The following ALDH1A2 variants were observed in gnomAD, a reference collection of about 807,000 sequenced individuals.
ALDH1A2 encodes aldehyde dehydrogenase 1 family member A2.
A neutral mutation model predicts 60.3 loss-of-function variants in ALDH1A2; 27 were observed. The observed-to-expected ratio is 0.45, with a 90% CI of 0.33 to 0.62. The LOEUF (loss-of-function observed/expected upper bound fraction) is 0.62. Ranked by LOEUF, ALDH1A2 falls within the 20% of genes least tolerant of loss-of-function variation. The probability of loss-of-function intolerance (pLI) is 0.02; values close to 1 mark genes in which losing one functional copy is unlikely to be tolerated. For synonymous variants in ALDH1A2, 289 were observed against 232.4 expected (o/e 1.24, Z -2.21); for missense variants, 581 against 643.8 (o/e 0.90, Z 1.06).
chr15:57,989,887 G>A (rs1457960910), intron 7 of ALDH1A2, among the ~76,000 whole-genome samples: 4 of 151,808 alleles, frequency 2.6e-5, no homozygotes, highest in East Asian at 1.9e-4. Flanking sequence ...AGGGCCGTTT[G>A]TATAATCTTA....
Position 58,065,646 on chromosome 15 carries a change from G to T in ALDH1A2, c.5C>A (p.Thr2Asn), listed in dbSNP as rs748211403. 3 of 1,593,860 alleles carry T rather than the reference G, an allele frequency of 1.9e-6. No individual in the cohort carries two copies. Among genetic ancestry groups the T allele is most frequent in the Non-Finnish European group, 2.6e-6 (3 of 1,169,092 alleles). Residue 2 changes from threonine (T) to asparagine (N), a missense_variant, in exon 1 of 13, where the codon ACT (threonine) becomes AAT (asparagine). Coordinates refer to ENST00000249750, the MANE Select transcript of ALDH1A2 (RefSeq NM_003888.4). M[T>N]SSKIEMPGEV... ...GCCGGGCATCTCTATCTTGCTGGAA[G>T]TCATGGTGGCGGGCCGGGTGTCCCT...
intron 7 of ALDH1A2, among the ~76,000 whole-genome samples, chr15:57,985,627 G>A (rs930101290): frequency 3.3e-5 from 5 of 152,120 alleles, no homozygotes; most frequent in Admixed American, 3.3e-4. Context: ...TTCTAGCTCT[G>A]AGATTAAGTT....
chr15:58,065,544 T>C lies in ALDH1A2; in HGVS notation c.107A>G (p.Lys36Arg). 3 of 1,613,522 alleles carry C rather than the reference T, an allele frequency of 1.9e-6. No homozygotes were observed. The highest frequency in any genetic ancestry group is 2.5e-6 in the Non-Finnish European group (3 of 1,179,586). The stretch of plus-strand genomic sequence containing the variant: ...TGGGCGGCCGCTTACCTTGGTGTAC[T>C]TAATTTCGAGATTGGGCGTGGGCGA... ...LPSPTPNLEIKYTKIFINNEW... is the reference protein window; with the variant it reads ...LPSPTPNLEIRYTKIFINNEW... The change falls in exon 1 of 13, where the codon AAG (lysine) becomes AGG (arginine). Residue 36 changes from lysine to arginine, a missense_variant. Around this residue, in one of 2 missense-constraint regions of ALDH1A2, gnomAD observed 206 missense variants for 174.1 expected, o/e 1.18. Coordinates refer to ENST00000249750, the MANE Select transcript of ALDH1A2 (RefSeq NM_003888.4).
chr15:58,008,455 C>T (rs1253759208), intron 4 of ALDH1A2, among the ~76,000 whole-genome samples: 2 of 152,018 alleles, frequency 1.3e-5, no homozygotes, highest in Non-Finnish European at 1.5e-5. Flanking sequence ...GGGCCAACCA[C>T]CTCTATTGCC....
chr15:57,995,506 G>T (rs1325455327), intron 4 of ALDH1A2, among the ~76,000 whole-genome samples: 1 of 152,012 alleles, frequency 6.6e-6, no homozygotes, highest in Admixed American at 6.6e-5. Flanking sequence ...TTTAAAAACT[G>T]AGTCAACAAA....
chr15:58,001,973 C>G (rs181604553), intron 4 of ALDH1A2, among the ~76,000 whole-genome samples: 1 of 151,910 alleles, frequency 6.6e-6, no homozygotes, highest in East Asian at 1.9e-4. Context: ...CTAAGTCACA[C>G]GTGTAGGACT....
chr15:57,978,606 A>G (rs2044071), intron 7 of ALDH1A2, among the ~76,000 whole-genome samples: 63,869 of 151,880 alleles, frequency 0.42, 14,462 homozygotes, highest in Non-Finnish European at 0.52. Context: ...GTCCACAGTC[A>G]TATTTCACAT....
intron 7 of ALDH1A2, among the ~76,000 whole-genome samples, chr15:57,986,354 G>A (rs1894699382): frequency 6.6e-6 from 1 of 152,028 alleles, no homozygotes; most frequent in African/African-American, 2.4e-5. Context: ...ACATTCAACA[G>A]AAACCTCAGA....
intron 1 of ALDH1A2, among the ~76,000 whole-genome samples, chr15:58,058,571 T>A (rs1322996254): frequency 6.6e-6 from 1 of 151,864 alleles, no homozygotes; most frequent in Admixed American, 6.6e-5. Context: ...AAAATATAAC[T>A]TTTTAATATT....
At chr15:57,959,731 A>G (rs553873801) in intron 12 of ALDH1A2, among the ~76,000 whole-genome samples, 5 of 152,304 alleles carry the variant, frequency 3.3e-5, no homozygotes, top group African/African-American at 1.2e-4. Context: ...ACAGGTAGTA[A>G]TAGTGGCAGG....
chr15:57,958,817 G>C (rs1596062954), intron 12 of ALDH1A2, among the ~76,000 whole-genome samples: 1 of 152,148 alleles, frequency 6.6e-6, no homozygotes, highest in African/African-American at 2.4e-5. Flanking sequence ...GGGGTAAGTA[G>C]AGACAAACAA....
At chr15:58,053,321 T>A (rs1199834526) in intron 1 of ALDH1A2, among the ~76,000 whole-genome samples, 1 of 152,094 alleles carries the variant, frequency 6.6e-6, no homozygotes, top group African/African-American at 2.4e-5. Context: ...AAACTAAAAT[T>A]GGTGTGGAAT....
rs1248010027 is a variant in ALDH1A2, at chr15:57,965,770, CCA to C, written c.854_855del (p.Leu285ArgfsTer8). The C allele has an allele frequency of 6.2e-7, 1 of 1,614,152 alleles. No homozygotes were observed. Among genetic ancestry groups the C allele is most frequent in the African/African-American group, 1.3e-5 (1 of 75,052 alleles). Reference sequence around the variant, plus strand: ...ATATTAGGACTTTTGCCTCCAAGTTCCAGAGTTACTCTCTTCAAATTACTTCT... The same window carrying C: ...ATATTAGGACTTTTGCCTCCAAGTTCGAGTTACTCTCTTCAAATTACTTCT... ...AGRSNLKRVTLELGGKSPNII... is the reference protein window; with the variant it reads ...AGRSNLKRVTXELGGKSPNII... On this transcript the variant is annotated frameshift_variant, in exon 8 of 13. Transcript: ENST00000249750. LOFTEE classifies it high-confidence loss of function.
Position 57,993,190 on chromosome 15 carries a change from C to A in ALDH1A2, c.556-117G>T, listed in dbSNP as rs4646607. 0.45 allele frequency: 555,569 copies of A among 1,232,826 alleles called. 133,077 individuals carry two copies. Among genetic ancestry groups the A allele is most frequent in the East Asian group, 0.7 (27,939 of 39,654 alleles). 76.4% of individuals were successfully genotyped at this position (1,232,826 alleles called of 1,614,324 possible). A position where few individuals can be genotyped will look rare whatever the true frequency, so the allele number is the denominator to read the frequency against. ...TCCTCGACATAAATCTTGTCCACTA[C>A]AAAGTACAGATGTTTGGATTTTCAA... On this transcript the variant is annotated intron_variant, in intron 5 of 12. Coordinates refer to ENST00000249750, the MANE Select transcript of ALDH1A2 (RefSeq NM_003888.4).
At chr15:58,021,939 AC>A (rs1207883346) in intron 1 of ALDH1A2, among the ~76,000 whole-genome samples, 15 of 152,172 alleles carry the variant, frequency 9.9e-5, no homozygotes, top group Admixed American at 9.8e-4. Flanking sequence ...GGTGCAGGCT[AC>A]CGCCACCAGG....
At chr15:57,975,936 A>G (rs1894239776) in intron 7 of ALDH1A2, among the ~76,000 whole-genome samples, 1 of 152,214 alleles carries the variant, frequency 6.6e-6, no homozygotes, top group East Asian at 1.9e-4. Flanking sequence ...ATGGATACAC[A>G]TGGCCAAGAC....
chr15:57,962,042 G>A lies in ALDH1A2; in HGVS notation c.1221C>T (p.Val407=), dbSNP rs376756068. The A allele has an allele frequency of 4.8e-5, 77 of 1,614,018 alleles. No individual in the cohort carries two copies. The highest frequency in any genetic ancestry group is 5.8e-5 in the Non-Finnish European group (69 of 1,180,026). The change falls in exon 10 of 13, where the codon GTC becomes GTT. Residue 407 remains valine, a synonymous_variant. Coordinates refer to ENST00000249750, the MANE Select transcript of ALDH1A2 (RefSeq NM_003888.4). ...FFIEPTVFSN[V]TDDMRIAKEE... is the part of the protein sequence containing the mutation. ...CCTTGGCAATCCGCATATCATCAGT[G>A]ACGTTGGAAAACACTGTGGGCTCAA...
At position 58,058,349 on chromosome 15, in the gene ALDH1A2, C is replaced by T. The variant is rs1366987671; in HGVS notation, c.117+7185G>A. 4.6e-5 allele frequency among the ~76,000 whole-genome samples: 7 copies of T among 151,040 alleles called. No homozygotes were observed. In the Admixed American group the frequency reaches 4.6e-4, roughly 10 times the overall value. On this transcript the variant is annotated intron_variant, in intron 1 of 12. Transcript: ENST00000249750. ...ATAATTAGTGGGTTTCCTAAACTCA[C>T]AATATTTCGCCAGATTCATTTACTG...
intron 4 of ALDH1A2, among the ~76,000 whole-genome samples, chr15:58,009,450 G>C (rs547590723): frequency 5.9e-5 from 9 of 151,890 alleles, no homozygotes; most frequent in African/African-American, 2.2e-4. Context: ...TGCTCAGCCT[G>C]GCTAAGAAGG....
Sources: allele counts gnomAD v4.1 joint callset (sites outside exome capture counted in the v4.1 genomes callset), GRCh38; gene constraint gnomAD v4.1.1; regional missense constraint gnomAD v4.1.1; transcripts MANE v1.5; gene names NCBI Gene and HGNC (gene_info 2026-07-23, HGNC 2026-07-21).